FRMPD4: variants seen among roughly 807,000 people sequenced by gnomAD.
FRMPD4 encodes FERM and PDZ domain-containing protein 4.
Under a neutral mutation model 94.1 loss-of-function variants are expected in FRMPD4, and 22 were observed. That is an observed-to-expected ratio of 0.23 (90% CI 0.17 to 0.33). The LOEUF is 0.33. Ranked by LOEUF, FRMPD4 falls within the 10% of genes least tolerant of loss-of-function variation. The pLI, the probability that FRMPD4 is intolerant of heterozygous loss-of-function variation, is 1.00. For missense variants in FRMPD4, 1,111 were observed against 1,339.9 expected (o/e 0.83, Z 2.67); for synonymous variants, 631 against 548.6 (o/e 1.15, Z -2.10).
At chrX:12,198,651 T>C (rs1299147618) in intron 1 of FRMPD4, among the ~76,000 whole-genome samples, 1 of 112,165 alleles carries the variant, frequency 8.9e-6, no homozygotes, top group African/African-American at 3.2e-5. Flanking sequence ...GTTCACTTCC[T>C]TCACAGTTTG....
rs182600741 is a variant in FRMPD4 at position 12,170,270 on chromosome X, A to T, written c.41+31258A>T. 3.5e-3 allele frequency among the ~76,000 whole-genome samples: 377 copies of T among 107,939 alleles called. 1 individual carries two copies. The highest frequency in any genetic ancestry group is 0.012 in the African/African-American group (352 of 29,517). 93.7% of individuals were successfully genotyped at this position (107,939 alleles called of 115,157 possible). ...TAGTTGGTTGCTTGAAACGGGGAGG[A>T]ATTATGGTTGTCAATCATGAACCGA... On this transcript the variant is annotated intron_variant, in intron 1 of 16. Coordinates refer to ENST00000675598, the MANE Select transcript of FRMPD4 (RefSeq NM_001368397.1).
chrX:12,107,765 T>C (rs2055313252), intron 3 of FRMPD4, among the ~76,000 whole-genome samples: 1 of 111,737 alleles, frequency 8.9e-6, no homozygotes, highest in South Asian at 3.8e-4. Flanking sequence ...ACATGAACTA[T>C]GTGACGAATG....
intron 1 of FRMPD4, among the ~76,000 whole-genome samples, chrX:12,495,917 G>A (rs780311297): frequency 4.5e-4 from 50 of 111,258 alleles, no homozygotes; most frequent in Non-Finnish European, 8.3e-4. Context: ...CCAACGTGCA[G>A]TAAGGCATCA....
Position 12,722,180 on chromosome X carries a change from C to G in FRMPD4, c.*322C>G, listed in dbSNP as rs2042252343. ...GTTAGAGCAAAACAATGAATCCTATCCCCTTTCTTTCCAAGTAGCTACTTG... is the reference window on the plus strand; with the variant it reads ...GTTAGAGCAAAACAATGAATCCTATGCCCTTTCTTTCCAAGTAGCTACTTG... On this transcript the variant is annotated 3_prime_UTR_variant, in exon 17 of 17. Transcript: ENST00000675598. 1 of 110,818 alleles carries G rather than the reference C, an allele frequency of 9.0e-6. No individual in the cohort carries two copies. The highest frequency in any genetic ancestry group is 1.9e-5 in the Non-Finnish European group (1 of 52,902). 9.1% of individuals were successfully genotyped at this position (110,818 alleles called of 1,213,427 possible). A position where few individuals can be genotyped will look rare whatever the true frequency, so the allele number is the denominator to read the frequency against.
chrX:12,197,659 T>C (rs1211428722), intron 1 of FRMPD4, among the ~76,000 whole-genome samples: 2 of 112,088 alleles, frequency 1.8e-5, no homozygotes, highest in Non-Finnish European at 3.8e-5. Context: ...GAAAAGATTA[T>C]TTAAGGGCAG....
chrX:12,163,783 GC>G (rs2056066479), intron 1 of FRMPD4, among the ~76,000 whole-genome samples: 1 of 112,132 alleles, frequency 8.9e-6, no homozygotes, highest in African/African-American at 3.2e-5. Context: ...GCACAGGCCC[GC>G]CTTTGATTAC....
intron 2 of FRMPD4, among the ~76,000 whole-genome samples, chrX:12,604,479 A>G (rs764596586): frequency 8.9e-6 from 1 of 112,092 alleles, no homozygotes; most frequent in Admixed American, 9.4e-5. Context: ...GGATTTTTCA[A>G]ATTGAAAGCC....
At chrX:12,096,824 C>T (rs1160917530) in intron 3 of FRMPD4, among the ~76,000 whole-genome samples, 2 of 111,335 alleles carry the variant, frequency 1.8e-5, no homozygotes, top group African/African-American at 6.5e-5. Context: ...GAATTCAAGG[C>T]TGCAGTGAAC....
chrX:11,864,556 T>C (rs2053707793), intron 1 of FRMPD4, among the ~76,000 whole-genome samples: 1 of 111,977 alleles, frequency 8.9e-6, no homozygotes, highest in Non-Finnish European at 1.9e-5. Context: ...AGGGGTTATT[T>C]AGCAAACTGA....
chrX:12,500,154 G>C (rs1602031938), intron 2 of FRMPD4, among the ~76,000 whole-genome samples: 1 of 111,463 alleles, frequency 9.0e-6, no homozygotes, highest in African/African-American at 3.3e-5. Context: ...TTTGAAATCA[G>C]GAAGTGTGGT....
chrX:12,371,947 A>G (rs1270802267), intron 1 of FRMPD4, among the ~76,000 whole-genome samples: 3 of 112,315 alleles, frequency 2.7e-5, no homozygotes, highest in African/African-American at 6.5e-5. Flanking sequence ...ATCCCATGCA[A>G]TGGTTAAGAT....
At chrX:12,064,589 T>G (rs1206553119) in intron 3 of FRMPD4, among the ~76,000 whole-genome samples, 1 of 111,819 alleles carries the variant, frequency 8.9e-6, no homozygotes, top group Non-Finnish European at 1.9e-5. Context: ...CTGAAAATAC[T>G]TGAATGTAGA....
At chrX:12,454,888 T>C (rs2148144931) in intron 1 of FRMPD4, among the ~76,000 whole-genome samples, 1 of 107,040 alleles carries the variant, frequency 9.3e-6, no homozygotes, top group South Asian at 4.4e-4. Context: ...ATCTTTTCAG[T>C]GAGGTATCAC....
chrX:12,003,586 C>T (rs1601879414), intron 3 of FRMPD4, among the ~76,000 whole-genome samples: 3 of 111,461 alleles, frequency 2.7e-5, no homozygotes, highest in Admixed American at 1.9e-4. Context: ...TTGTATTTTT[C>T]GTAGAGATGG....
chrX:12,626,755 T>C (rs1452815713), intron 4 of FRMPD4, among the ~76,000 whole-genome samples: 2 of 105,135 alleles, frequency 1.9e-5, no homozygotes, highest in African/African-American at 3.5e-5. Flanking sequence ...CGATGGGAGA[T>C]TGGCAAGACT....
intron 1 of FRMPD4, among the ~76,000 whole-genome samples, chrX:12,438,924 C>T (rs747872960): frequency 9.0e-6 from 1 of 111,279 alleles, no homozygotes; most frequent in East Asian, 2.8e-4. Flanking sequence ...GGAGACAGTT[C>T]TCTGTGCGTC....
At chrX:11,873,683 A>G (rs1433997934) in intron 2 of FRMPD4, among the ~76,000 whole-genome samples, 1 of 108,451 alleles carries the variant, frequency 9.2e-6, no homozygotes, top group Non-Finnish European at 1.9e-5. Context: ...ACTCGACGCA[A>G]TCTCAATTAC....
intron 3 of FRMPD4, among the ~76,000 whole-genome samples, chrX:12,127,133 C>A (rs1311315142): frequency 1.8e-5 from 2 of 112,155 alleles, no homozygotes; most frequent in African/African-American, 6.5e-5. Flanking sequence ...CTGTTTTTAT[C>A]TTCCTGTTTT....
chrX:12,470,112 T>C (rs1472783440), intron 1 of FRMPD4, among the ~76,000 whole-genome samples: 1 of 111,949 alleles, frequency 8.9e-6, no homozygotes, highest in East Asian at 2.8e-4. Flanking sequence ...TATTACAAAA[T>C]CCAATAAGGA....
Sources: gnomAD v4.1 joint callset for allele counts (sites outside exome capture counted in the v4.1 genomes callset) on GRCh38, gnomAD v4.1.1 for gene constraint, MANE v1.5 for transcripts, NCBI Gene and HGNC (gene_info 2026-07-23, HGNC 2026-07-21) for gene names.